Variants in GPC5 observed in about 807,000 individuals in gnomAD.
The protein encoded by GPC5 is glypican-5.
A neutral mutation model predicts 53.9 loss-of-function variants in GPC5; 47 were observed. The observed-to-expected ratio is 0.87, with a 90% CI of 0.69 to 1.11. The LOEUF is 1.11. GPC5 is among the 50% of genes most tolerant of loss of function. The pLI, the probability that GPC5 is intolerant of heterozygous loss-of-function variation, is 0.00. For synonymous variants in GPC5, 286 were observed against 263.3 expected, an observed-to-expected ratio of 1.09 and a Z score of -0.84; for missense variants, 748 against 713.1, an observed-to-expected ratio of 1.05 and a Z score of -0.56.
At chr13:92,572,475 G>C (rs1334555308) in intron 7 of GPC5, among the ~76,000 whole-genome samples, 4 of 152,082 alleles carry the variant, frequency 2.6e-5, no homozygotes, top group Non-Finnish European at 5.9e-5. Context: ...ATACCGCTGT[G>C]GTGACCCTGG....
chr13:91,509,299 CA>C (rs5805701), intron 2 of GPC5, among the ~76,000 whole-genome samples: 1 of 149,650 alleles, frequency 6.7e-6, no homozygotes, highest in African/African-American at 2.4e-5. Flanking sequence ...CTGTTGCAAA[CA>C]AAAAAAACTT....
At chr13:92,560,523 G>A (rs986339394) in intron 7 of GPC5, among the ~76,000 whole-genome samples, 1 of 152,032 alleles carries the variant, frequency 6.6e-6, no homozygotes, top group African/African-American at 2.4e-5. Context: ...GTTTGCAGTG[G>A]AAGTAGTGAG....
At chr13:92,777,022 CAAAAAA>C (rs1243297680) in intron 7 of GPC5, among the ~76,000 whole-genome samples, 4 of 26,670 alleles carry the variant, frequency 1.5e-4, no homozygotes, top group South Asian at 2.1e-3. Flanking sequence ...GACCCTGCCT[CAAAAAA>C]AAAAAAAAAA....
chr13:92,011,769 T>C (rs2040663683), intron 6 of GPC5, among the ~76,000 whole-genome samples: 1 of 152,220 alleles, frequency 6.6e-6, no homozygotes, highest in Non-Finnish European at 1.5e-5. Flanking sequence ...GTGAATAAAG[T>C]AATAAAATGC....
chr13:91,681,411 T>C (rs1029175315), intron 2 of GPC5, among the ~76,000 whole-genome samples: 6 of 152,176 alleles, frequency 3.9e-5, no homozygotes, highest in Non-Finnish European at 7.4e-5. Flanking sequence ...GAAATCTCAA[T>C]ACCATTTCAG....
intron 6 of GPC5, among the ~76,000 whole-genome samples, chr13:92,021,562 C>G (rs1026847478): frequency 1.3e-5 from 2 of 152,170 alleles, no homozygotes; most frequent in African/African-American, 4.8e-5. Flanking sequence ...AACATTGCAC[C>G]TGTGGTCAAC....
chr13:92,840,002 A>G (rs1878367807), intron 7 of GPC5, among the ~76,000 whole-genome samples: 1 of 150,014 alleles, frequency 6.7e-6, no homozygotes, highest in Admixed American at 6.7e-5. Context: ...GATTGTGGTA[A>G]TATTGGCATG....
chr13:91,552,642 A>G (rs1223414290), intron 2 of GPC5, among the ~76,000 whole-genome samples: 1 of 152,154 alleles, frequency 6.6e-6, no homozygotes, highest in African/African-American at 2.4e-5. Context: ...CAGCAGAAGC[A>G]TGTCCTTAAG....
At chr13:91,907,880 T>G in intron 5 of GPC5, 57 bp from the exon 6 acceptor site, 3 of 1,560,960 alleles carry the variant, frequency 1.9e-6, no homozygotes, top group Non-Finnish European at 2.6e-6. Flanking sequence ...CAGATAGCTG[T>G]GACAGATAAT....
intron 3 of GPC5, among the ~76,000 whole-genome samples, chr13:91,695,269 A>G (rs2035855202): frequency 6.6e-6 from 1 of 152,180 alleles, no homozygotes; most frequent in Non-Finnish European, 1.5e-5. Flanking sequence ...AAGGGATGCA[A>G]TAAACCATCT....
chr13:92,116,742 A>G lies in GPC5; in HGVS notation c.1402-28088A>G, dbSNP rs978570148. Reference sequence around the variant, plus strand: ...ACTTGGTATTGTCATAACTTTCTCCATTATGACAGTATGTAGTGGTATCTC... The same window carrying G: ...ACTTGGTATTGTCATAACTTTCTCCGTTATGACAGTATGTAGTGGTATCTC... On this transcript the variant is annotated intron_variant, in intron 6 of 7. Coordinates refer to ENST00000377067, the MANE Select transcript of GPC5 (RefSeq NM_004466.6). Among the ~76,000 whole-genome samples, 6 of 152,224 alleles carry G rather than the reference A, an allele frequency of 3.9e-5. 1 individual carries two copies. Among genetic ancestry groups the G allele is most frequent in the African/African-American group, 1.4e-4 (6 of 41,460 alleles).
intron 7 of GPC5, among the ~76,000 whole-genome samples, chr13:92,637,224 C>T (rs1440046562): frequency 6.6e-6 from 1 of 152,156 alleles, no homozygotes; most frequent in South Asian, 2.1e-4. Flanking sequence ...TAATCGATTG[C>T]AAAATTTAGT....
At chr13:91,476,706 T>G (rs962574848) in intron 2 of GPC5, among the ~76,000 whole-genome samples, 1 of 152,084 alleles carries the variant, frequency 6.6e-6, no homozygotes, top group Non-Finnish European at 1.5e-5. Flanking sequence ...TCACACCAAT[T>G]GAGACAGACG....
chr13:92,833,532 C>T (rs1878121338), intron 7 of GPC5, among the ~76,000 whole-genome samples: 1 of 152,092 alleles, frequency 6.6e-6, no homozygotes, highest in Non-Finnish European at 1.5e-5. Context: ...TGATGTTTTT[C>T]TTTATCCTCT....
chr13:92,709,387 A>G (rs771216995), intron 7 of GPC5: 1 of 152,080 alleles, frequency 6.6e-6, no homozygotes, highest in Non-Finnish European at 1.5e-5. Flanking sequence ...TCACATCACC[A>G]TAGCATTAAT....
chr13:91,834,533 G>C (rs1019697255), intron 5 of GPC5, among the ~76,000 whole-genome samples: 2 of 152,042 alleles, frequency 1.3e-5, no homozygotes, highest in Admixed American at 6.5e-5. Context: ...GCATGGTACT[G>C]GTACTAAAAC....
chr13:92,109,071 T>TG (rs1395869283), intron 6 of GPC5, among the ~76,000 whole-genome samples: 7 of 145,198 alleles, frequency 4.8e-5, no homozygotes, highest in African/African-American at 1.3e-4. Context: ...GTTTTTTTTT[T>TG]TTTTTTTTTT....
intron 2 of GPC5, among the ~76,000 whole-genome samples, chr13:91,549,936 G>A (rs2030528520): frequency 6.6e-6 from 1 of 152,130 alleles, no homozygotes; most frequent in African/African-American, 2.4e-5. Flanking sequence ...ACTTATGTAT[G>A]TACAAAAACC....
intron 2 of GPC5, among the ~76,000 whole-genome samples, chr13:91,591,608 G>C (rs2032801872): frequency 6.6e-6 from 1 of 152,118 alleles, no homozygotes; most frequent in Non-Finnish European, 1.5e-5. Flanking sequence ...ATAATCCCAT[G>C]TGTCTTGGAA....
Sources: gnomAD v4.1 joint callset for allele counts (sites outside exome capture counted in the v4.1 genomes callset) on GRCh38, gnomAD v4.1.1 for gene constraint, MANE v1.5 for transcripts, NCBI Gene and HGNC (gene_info 2026-07-23, HGNC 2026-07-21) for gene names.